The following CCDC57 variants were observed in gnomAD, a reference collection of about 807,000 sequenced individuals.
The protein encoded by CCDC57 is coiled-coil domain containing 57, also known as coiled-coil domain-containing protein 57.
CCDC57 carries 118 observed loss-of-function variants against 118.9 expected under a neutral mutation model. The observed-to-expected ratio is 0.99, with a 90% confidence interval of 0.86 to 1.16. CCDC57 has a LOEUF of 1.16. Among genes scored for constraint, CCDC57 ranks in the 50% most tolerant of loss-of-function variants. CCDC57 has a pLI of 0.00. For synonymous variants in CCDC57, 527 were observed against 532.9 expected (o/e 0.99, Z 0.15); for missense variants, 1,300 against 1,320.7 (o/e 0.98, Z 0.24).
chr17:82,134,210 G>C lies in CCDC57; in HGVS notation c.2456-16C>G. On this transcript the variant is annotated splice_polypyrimidine_tract_variant and intron_variant, in intron 16 of 19. Coordinates refer to ENST00000665763, the Ensembl canonical transcript of CCDC57. The stretch of plus-strand genomic sequence containing the variant: ...AACAGCCACCCTGGGAATGGGATGG[G>C]GACAGAGTTTGTTCTCTGTGCATCA... 1 of 1,306,216 alleles carries C rather than the reference G, an allele frequency of 7.7e-7. No individual in the cohort carries two copies. The highest frequency in any genetic ancestry group is 1.5e-5 in the African/African-American group (1 of 65,102). 80.9% of individuals were successfully genotyped at this position (1,306,216 alleles called of 1,614,324 possible).
chr17:82,198,992 C>CAAAAAAA (rs34649384), intron 3 of CCDC57, among the ~76,000 whole-genome samples: 7 of 87,560 alleles, frequency 8.0e-5, no homozygotes, highest in Admixed American at 1.2e-4. Context: ...GACTCCATCT[C>CAAAAAAA]AAAAAAAAAA....
chr17:82,117,094 C>T (rs570048293), intron 19 of CCDC57, among the ~76,000 whole-genome samples: 1 of 152,358 alleles, frequency 6.6e-6, no homozygotes, highest in South Asian at 2.1e-4. Flanking sequence ...TGGCTCACGC[C>T]TGTAATCCCA....
chr17:82,183,941 A>G lies in CCDC57; in HGVS notation c.1053-9T>C. ...ATGCATCTTCACGAAGTCTAAACATAGAAGGGAAACTATGTAGATGTGGTT... is the reference window on the plus strand; with the variant it reads ...ATGCATCTTCACGAAGTCTAAACATGGAAGGGAAACTATGTAGATGTGGTT... On this transcript the variant is annotated splice_polypyrimidine_tract_variant and intron_variant, in intron 8 of 19. Coordinates refer to ENST00000665763, the Ensembl canonical transcript of CCDC57. 1 of 1,610,446 alleles carries G rather than the reference A, an allele frequency of 6.2e-7. No individual in the cohort carries two copies. The highest frequency in any genetic ancestry group is 8.5e-7 in the Non-Finnish European group (1 of 1,177,428).
chr17:82,105,434 C>G (rs1471098943), intron 19 of CCDC57, among the ~76,000 whole-genome samples: 2 of 152,194 alleles, frequency 1.3e-5, no homozygotes, highest in Non-Finnish European at 2.9e-5. Flanking sequence ...GGCACCCAGG[C>G]CTTTAGTGCA....
chr17:82,127,609 C>G (rs1715966855), intron 19 of CCDC57, 83 bp downstream of exon 18: 2 of 1,495,000 alleles, frequency 1.3e-6, no homozygotes, highest in Non-Finnish European at 1.8e-6. Flanking sequence ...ACGCAGGGTG[C>G]TGACTCTCCA....
At chr17:82,102,900 C>CA (rs1237887329) in intron 19 of CCDC57, among the ~76,000 whole-genome samples, 4 of 146,646 alleles carry the variant, frequency 2.7e-5, no homozygotes, top group East Asian at 2.0e-4. Flanking sequence ...AAAAAAAAAA[C>CA]AAAAAAAACC....
At chr17:82,208,881 T>C (rs2049971200) in intron 1 of CCDC57, among the ~76,000 whole-genome samples, 1 of 152,122 alleles carries the variant, frequency 6.6e-6, no homozygotes, top group African/African-American at 2.4e-5. Context: ...TCTACTCTTT[T>C]GTTTTGAAAC....
chr17:82,205,206 C>T (rs1000666881), intron 2 of CCDC57, among the ~76,000 whole-genome samples: 1 of 152,244 alleles, frequency 6.6e-6, no homozygotes, highest in African/African-American at 2.4e-5. Context: ...GAACCCTTCA[C>T]ACAGTGCCCG....
At chr17:82,121,626 C>T (rs1175977531) in intron 19 of CCDC57, among the ~76,000 whole-genome samples, 4 of 152,156 alleles carry the variant, frequency 2.6e-5, no homozygotes, top group African/African-American at 9.7e-5. Flanking sequence ...GCAGCCATTG[C>T]GGAGCCATTA....
chr17:82,191,754 C>T (rs1435724430), intron 7 of CCDC57, among the ~76,000 whole-genome samples: 2 of 152,134 alleles, frequency 1.3e-5, no homozygotes, highest in Admixed American at 6.5e-5. Flanking sequence ...ACAGGCTCCA[C>T]ATCCCAGATT....
At chr17:82,147,670 T>G (rs866947148) in intron 16 of CCDC57, among the ~76,000 whole-genome samples, 14 of 114,536 alleles carry the variant, frequency 1.2e-4, no homozygotes, top group Middle Eastern at 6.5e-3. Flanking sequence ...GAAGGGTGGG[T>G]GGGTGAATGG....
chr17:82,142,654 G>A (rs897863419), intron 16 of CCDC57, among the ~76,000 whole-genome samples: 3 of 152,076 alleles, frequency 2.0e-5, no homozygotes, highest in East Asian at 1.9e-4. Context: ...AAGGAGAAAT[G>A]GACAAAATCA....
chr17:82,157,511 C>G (rs955725317), intron 15 of CCDC57: 25 of 1,423,422 alleles, frequency 1.8e-5, no homozygotes, highest in South Asian at 6.1e-5. Context: ...TCCCGCCCCC[C>G]ACCAACGGGG....
At chr17:82,151,054 C>T (rs1203729904) in intron 16 of CCDC57, among the ~76,000 whole-genome samples, 1 of 108,212 alleles carries the variant, frequency 9.2e-6, no homozygotes. Context: ...CAGAACCTGA[C>T]CCGCACCCAG....
intron 16 of CCDC57, among the ~76,000 whole-genome samples, chr17:82,143,351 C>T (rs2145620082): frequency 6.6e-6 from 1 of 152,200 alleles, no homozygotes; most frequent in Non-Finnish European, 1.5e-5. Flanking sequence ...ATAAAATAAA[C>T]ACAAGAACAA....
intron 2 of CCDC57, among the ~76,000 whole-genome samples, chr17:82,202,719 C>T (rs2049146557): frequency 6.6e-6 from 1 of 152,098 alleles, no homozygotes; most frequent in Non-Finnish European, 1.5e-5. Flanking sequence ...CATTGCACTC[C>T]AGCCTGGGCG....
exon 4 of CCDC57, chr17:82,198,363 A>G (rs2048552212): frequency 1.2e-6 from 2 of 1,613,432 alleles, no homozygotes; most frequent in South Asian, 2.2e-5. Flanking sequence ...TTTTCTCTCC[A>G]GTGTCCATTT....
intron 13 of CCDC57, among the ~76,000 whole-genome samples, chr17:82,170,545 T>C (rs1297114876): frequency 7.5e-6 from 1 of 132,918 alleles, no homozygotes; most frequent in Non-Finnish European, 1.6e-5. Flanking sequence ...ACACCAGGAG[T>C]GAGCATGCAG....
chr17:82,212,176 T>A lies in CCDC57; in HGVS notation c.-211+609A>T, dbSNP rs1445760583. Reference sequence around the variant, plus strand: ...CTCTATAACTCCCTCAGTTACAACATCGGGTTCAAGCGATTCTCCTGCTTC... The same window carrying A: ...CTCTATAACTCCCTCAGTTACAACAACGGGTTCAAGCGATTCTCCTGCTTC... On this transcript the variant is annotated intron_variant, in intron 1 of 19. Coordinates refer to ENST00000665763, the Ensembl canonical transcript of CCDC57. This position sits in a 1 kb window ranked among gnomAD's most constrained non-coding sequence, Gnocchi z 4.1. 2.0e-5 allele frequency among the ~76,000 whole-genome samples: 3 copies of A among 152,048 alleles called. No homozygotes were observed. Among genetic ancestry groups the A allele is most frequent in the Non-Finnish European group, 4.4e-5 (3 of 68,012 alleles).
Sources: gnomAD v4.1 joint callset for allele counts (sites outside exome capture counted in the v4.1 genomes callset) on GRCh38, gnomAD v4.1.1 for gene constraint, Gnocchi (gnomAD v3.1) non-coding constraint, MANE v1.5 for transcripts, NCBI Gene and HGNC (gene_info 2026-07-23, HGNC 2026-07-21) for gene names.